The following ZNF385D variants were observed in gnomAD, a reference collection of about 807,000 sequenced individuals.
ZNF385D encodes zinc finger protein 385D, also known as zinc finger protein 659.
ZNF385D carries 15 observed loss-of-function variants against 35.8 expected under a neutral mutation model. The ratio of observed to expected loss-of-function variants is 0.42; its 90% CI spans 0.28 to 0.64. ZNF385D has a LOEUF of 0.64. Ranked by LOEUF, ZNF385D falls within the 30% of genes least tolerant of loss-of-function variation. The pLI, the probability that ZNF385D is intolerant of heterozygous loss-of-function variation, is 0.23. For synonymous variants in ZNF385D, 212 were observed against 186.8 expected (o/e 1.13, Z -1.10); for missense variants, 474 against 494.6 (o/e 0.96, Z 0.39).
At chr3:21,924,380 A>ATG (rs1559759028) in intron 3 of ZNF385D, among the ~76,000 whole-genome samples, 3 of 151,832 alleles carry the variant, frequency 2.0e-5, no homozygotes, top group Non-Finnish European at 4.4e-5. Flanking sequence ...TCCCAAAGAC[A>ATG]TCAAAGAGTG....
chr3:22,365,148 GAA>G (rs1223980053), intron 2 of ZNF385D, among the ~76,000 whole-genome samples: 3 of 151,946 alleles, frequency 2.0e-5, no homozygotes, highest in Non-Finnish European at 2.9e-5. Flanking sequence ...TTTGCAAGAT[GAA>G]AAGAGTTCTA....
rs116086700 is a variant in ZNF385D, at chr3:22,111,445, G to A, written c.325+57372C>T. Among the ~76,000 whole-genome samples the A allele has an allele frequency of 3.0e-3, 457 of 152,120 alleles. 3 individuals carry two copies. The highest frequency in any genetic ancestry group is 0.01 in the African/African-American group (422 of 41,520). On this transcript the variant is annotated intron_variant, in intron 3 of 5. Transcript: ENST00000494108. ...AAAGTGAGCCCTACCACAGGGATTG[G>A]CAAACTACTGGGGTACGCACATGGT...
chr3:21,930,447 AC>A, intron 3 of ZNF385D, among the ~76,000 whole-genome samples: 1 of 152,200 alleles, frequency 6.6e-6, no homozygotes, highest in South Asian at 2.1e-4. Flanking sequence ...TCTGGACTTC[AC>A]TCTAATTTCA....
At position 21,750,950 on chromosome 3, in the gene ZNF385D, T is replaced by C; in HGVS notation, c.-34A>G. On this transcript the variant is annotated 5_prime_UTR_variant, in exon 1 of 8. Coordinates refer to ENST00000281523, the MANE Select transcript of ZNF385D (RefSeq NM_024697.3). Reference sequence around the variant, plus strand: ...CAGCTGGAATCCCACCGCGGTGTCTTCAGCATCAGCTCTCACCCAAGGCTG... The same window carrying C: ...CAGCTGGAATCCCACCGCGGTGTCTCCAGCATCAGCTCTCACCCAAGGCTG... 1.2e-6 allele frequency: 2 copies of C among 1,614,004 alleles called. No homozygotes were observed. The highest frequency in any genetic ancestry group is 1.7e-6 in the Non-Finnish European group (2 of 1,179,980).
In ZNF385D at chr3:22,247,822, G is replaced by A. The variant is rs537042774; in HGVS notation, c.107-78787C>T. On this transcript the variant is annotated intron_variant, in intron 2 of 5. Coordinates refer to the ZNF385D transcript ENST00000494108. The stretch of plus-strand genomic sequence containing the variant: ...GTTTCACCATGTTGGCCAGGATGGT[G>A]TTCATCTCCTGAGCTTATGATCCAC... 1.0e-3 allele frequency among the ~76,000 whole-genome samples: 158 copies of A among 151,850 alleles called. 1 individual carries two copies. Among genetic ancestry groups the A allele is most frequent in the African/African-American group, 3.7e-3 (152 of 41,404 alleles).
intron 2 of ZNF385D, among the ~76,000 whole-genome samples, chr3:21,653,833 C>T (rs2065993944): frequency 6.6e-6 from 1 of 151,826 alleles, no homozygotes; most frequent in South Asian, 2.1e-4. Context: ...TACATAAATT[C>T]TATATATGTT....
At chr3:21,956,420 A>G (rs1702291610) in intron 3 of ZNF385D, among the ~76,000 whole-genome samples, 1 of 141,594 alleles carries the variant, frequency 7.1e-6, no homozygotes, top group South Asian at 2.3e-4. Context: ...GTTTAAAATG[A>G]TAAAGTTTGA....
At chr3:22,022,867 T>C (rs1414586135) in intron 3 of ZNF385D, among the ~76,000 whole-genome samples, 4 of 152,126 alleles carry the variant, frequency 2.6e-5, no homozygotes, top group Admixed American at 2.6e-4. Context: ...AAGAATTAAG[T>C]CCACTTTGGC....
At chr3:22,152,307 G>C (rs1311933372) in intron 3 of ZNF385D, among the ~76,000 whole-genome samples, 1 of 152,138 alleles carries the variant, frequency 6.6e-6, no homozygotes, top group Admixed American at 6.6e-5. Flanking sequence ...GCATGGGAGG[G>C]TGAGTACTTG....
chr3:21,647,145 A>C (rs936991896), intron 2 of ZNF385D, among the ~76,000 whole-genome samples: 3 of 152,166 alleles, frequency 2.0e-5, no homozygotes, highest in Non-Finnish European at 4.4e-5. Flanking sequence ...CTTTTAAGTA[A>C]AGTATATTTT....
At chr3:21,569,385 C>G (rs1410217036) in intron 2 of ZNF385D, among the ~76,000 whole-genome samples, 1 of 149,684 alleles carries the variant, frequency 6.7e-6, no homozygotes, top group East Asian at 1.9e-4. Context: ...GGATTGCAAC[C>G]CCTGCCTTTT....
intron 4 of ZNF385D, among the ~76,000 whole-genome samples, chr3:21,442,877 C>CTGTGTATAAG (rs1468573943): frequency 1.2e-5 from 1 of 86,578 alleles, no homozygotes; most frequent in Non-Finnish European, 2.2e-5. Context: ...ATGTGTATAT[C>CTGTGTATAAG]TGTGTATAAG....
chr3:22,042,407 T>C (rs940778653), intron 3 of ZNF385D, among the ~76,000 whole-genome samples: 2 of 152,094 alleles, frequency 1.3e-5, no homozygotes, highest in African/African-American at 4.8e-5. Flanking sequence ...TGCATGTAGA[T>C]TTCTATACTT....
At chr3:21,494,714 T>C (rs1705695513) in intron 4 of ZNF385D, among the ~76,000 whole-genome samples, 1 of 152,144 alleles carries the variant, frequency 6.6e-6, no homozygotes, top group Admixed American at 6.6e-5. Flanking sequence ...GCACAAAACT[T>C]CTCAACCACT....
At chr3:22,050,387 A>C (rs1230579380) in intron 3 of ZNF385D, among the ~76,000 whole-genome samples, 5 of 152,052 alleles carry the variant, frequency 3.3e-5, no homozygotes, top group South Asian at 2.1e-4. Context: ...AACAAACAAA[A>C]AAACCACCAC....
At chr3:22,073,247 G>A (rs902434345) in intron 3 of ZNF385D, among the ~76,000 whole-genome samples, 2 of 150,944 alleles carry the variant, frequency 1.3e-5, no homozygotes, top group South Asian at 2.1e-4. Context: ...AATCTAATAA[G>A]ATTTCCCTTT....
chr3:22,275,142 C>T (rs1455662704), intron 2 of ZNF385D, among the ~76,000 whole-genome samples: 1 of 152,054 alleles, frequency 6.6e-6, no homozygotes, highest in Non-Finnish European at 1.5e-5. Flanking sequence ...TTAGGAAGAG[C>T]CTACTTTCAA....
At chr3:21,658,469 C>T (rs1357797887) in intron 2 of ZNF385D, among the ~76,000 whole-genome samples, 1 of 151,958 alleles carries the variant, frequency 6.6e-6, no homozygotes, top group Non-Finnish European at 1.5e-5. Context: ...TTCTTATTGA[C>T]ACAATTCCAT....
chr3:21,710,587 G>C (rs961016108), intron 1 of ZNF385D, among the ~76,000 whole-genome samples: 1 of 152,074 alleles, frequency 6.6e-6, no homozygotes, highest in African/African-American at 2.4e-5. Context: ...TACAGTCCTC[G>C]CATTTTCTCA....
Sources: gnomAD v4.1 joint callset for allele counts (sites outside exome capture counted in the v4.1 genomes callset) on GRCh38, gnomAD v4.1.1 for gene constraint, MANE v1.5 for transcripts, NCBI Gene and HGNC (gene_info 2026-07-23, HGNC 2026-07-21) for gene names.